ABCB1: variants seen among roughly 807,000 people sequenced by gnomAD.
ABCB1 encodes the protein ATP binding cassette subfamily B member 1.
ABCB1 carries 69 observed loss-of-function variants against 142.0 expected under a neutral mutation model. The ratio of observed to expected loss-of-function variants is 0.49; its 90% CI spans 0.40 to 0.59. ABCB1 has a LOEUF of 0.59. Ranked by LOEUF, ABCB1 falls within the 20% of genes least tolerant of loss-of-function variation. The pLI, the probability that ABCB1 is intolerant of heterozygous loss-of-function variation, is 0.00. For synonymous variants in ABCB1, 532 were observed against 539.2 expected, an observed-to-expected ratio of 0.99 and a Z score of 0.18; for missense variants, 1,326 against 1,554.7, an observed-to-expected ratio of 0.85 and a Z score of 2.47.
intron 1 of ABCB1, among the ~76,000 whole-genome samples, chr7:87,671,998 G>T (rs1051094084): frequency 2.0e-5 from 3 of 152,098 alleles, no homozygotes; most frequent in African/African-American, 4.8e-5. Context: ...CAGTTTGGCC[G>T]CATTTTGGTA....
rs757574551 is a variant in ABCB1, at chr7:87,550,725, A to T, written c.1113T>A (p.Asn371Lys). Reference protein sequence around the residue: ...AAYEIFKIIDNKPSIDSYSKS... With the variant: ...AAYEIFKIIDKKPSIDSYSKS... ...GGATAGATGGCCAACTCAGACTTAC[A>T]TTATCAATTATCTTGAAGATTTCAT... Residue 371 changes from asparagine to lysine, a missense_variant and splice_region_variant, in exon 10 of 28, where the codon AAT becomes AAA. Asn to Lys is a moderately conservative substitution (Grantham distance 94). Coordinates refer to ENST00000622132, the MANE Select transcript of ABCB1 (RefSeq NM_001348946.2). 1.2e-6 allele frequency: 2 copies of T among 1,607,300 alleles called. No individual in the cohort carries two copies. Among genetic ancestry groups the T allele is most frequent in the South Asian group, 2.2e-5 (2 of 90,948 alleles).
At chr7:87,561,039 A>G (rs912697641) in intron 8 of ABCB1, among the ~76,000 whole-genome samples, 2 of 152,234 alleles carry the variant, frequency 1.3e-5, no homozygotes, top group African/African-American at 2.4e-5. Context: ...AACTATTTTT[A>G]TGTTATTGCC....
chr7:87,510,437 G>C (rs937394843), intron 25 of ABCB1, among the ~76,000 whole-genome samples: 14 of 152,216 alleles, frequency 9.2e-5, no homozygotes, highest in African/African-American at 2.9e-4. Flanking sequence ...CAGAAGACTG[G>C]GGAGGGCACC....
chr7:87,645,146 G>A (rs1202026319), intron 1 of ABCB1, among the ~76,000 whole-genome samples: 1 of 149,274 alleles, frequency 6.7e-6, no homozygotes, highest in African/African-American at 2.5e-5. Context: ...GCAGTGGCAC[G>A]ATCTCGGATC....
chr7:87,545,954 G>A lies in ABCB1; in HGVS notation c.1796C>T (p.Ala599Val). 2 of 1,613,978 alleles carry A rather than the reference G, an allele frequency of 1.2e-6. No homozygotes were observed. The highest frequency in any genetic ancestry group is 2.2e-5 in the South Asian group (2 of 91,068). Residue 599 changes from alanine to valine, a missense_variant, in exon 15 of 28, where the codon GCT becomes GTT. Transcript: ENST00000622132. ...LSTVRNADVI[A>V]GFDDGVIVEK... ...CACAATGACTCCATCATCGAAACCAGCGATGACGTCAGCATTACGAACTGT... is the reference window on the plus strand; with the variant it reads ...CACAATGACTCCATCATCGAAACCAACGATGACGTCAGCATTACGAACTGT...
chr7:87,687,803 A>C (rs1827614813), intron 1 of ABCB1, among the ~76,000 whole-genome samples: 1 of 152,150 alleles, frequency 6.6e-6, no homozygotes, highest in African/African-American at 2.4e-5. Context: ...TTGAACCTCA[A>C]AGCTCTTCCT....
chr7:87,662,679 G>A (rs1824836720), intron 1 of ABCB1, among the ~76,000 whole-genome samples: 2 of 152,076 alleles, frequency 1.3e-5, no homozygotes, highest in Non-Finnish European at 2.9e-5. Context: ...TTTGAAGTCA[G>A]GGAATGTGAT....
chr7:87,662,938 T>G (rs894450875), intron 1 of ABCB1, among the ~76,000 whole-genome samples: 129 of 152,272 alleles, frequency 8.5e-4, no homozygotes, highest in African/African-American at 2.9e-3. Context: ...CAGTGTTTTA[T>G]AGTTTTCATT....
In ABCB1 at chr7:87,626,556, T is replaced by C. The variant is rs572280672; in HGVS notation, c.-330-25478A>G. Reference sequence around the variant, plus strand: ...GTGTCATATATGTGTCATATATATGTGTCATATATATGTGTCATATATATG... The same window carrying C: ...GTGTCATATATGTGTCATATATATGCGTCATATATATGTGTCATATATATG... On this transcript the variant is annotated intron_variant, in intron 1 of 28. Coordinates refer to the ABCB1 transcript ENST00000265724. 4.7e-4 allele frequency among the ~76,000 whole-genome samples: 8 copies of C among 17,052 alleles called. 1 individual carries two copies. The highest frequency in any genetic ancestry group is 6.0e-4 in the Non-Finnish European group (7 of 11,690). 11.2% of individuals were successfully genotyped at this position (17,052 alleles called of 152,430 possible).
intron 12 of ABCB1, 48 bp from the exon 13 acceptor site, chr7:87,550,102 G>C (rs1244047874): frequency 1.9e-6 from 3 of 1,613,858 alleles, no homozygotes; most frequent in Non-Finnish European, 2.5e-6. Context: ...AATTGAAAGG[G>C]CAACATCAGA....
intron 1 of ABCB1, among the ~76,000 whole-genome samples, chr7:87,640,782 T>A (rs753264290): frequency 5.3e-5 from 8 of 152,310 alleles, no homozygotes; most frequent in Non-Finnish European, 1.0e-4. Flanking sequence ...CCTTTTCTAG[T>A]TCATTAATTA....
Position 87,585,634 on chromosome 7 carries a change from G to A in ABCB1, c.164C>T (p.Thr55Ile), listed in dbSNP as rs1200080064. 1 of 1,613,814 alleles carries A rather than the reference G, an allele frequency of 6.2e-7. No homozygotes were observed. Among genetic ancestry groups the A allele is most frequent in the African/African-American group, 1.3e-5 (1 of 74,896 alleles). Residue 55 changes from threonine (T) to isoleucine (I), a missense_variant, in exon 4 of 28, where the codon ACT (threonine) becomes ATT (isoleucine). Physicochemically the swap from Thr to Ile is moderately conservative, Grantham distance 89 (BLOSUM62 -1). Transcript: ENST00000622132. ...AGCCCCATGGATGATGGCAGCCAAA[G>A]TTCCCACCACCATATACAACTTGTC... is the stretch of plus-strand genomic sequence containing the variant. Reference protein sequence around the residue: ...WLDKLYMVVGTLAAIIHGAGL... With the variant: ...WLDKLYMVVGILAAIIHGAGL...
intron 1 of ABCB1, among the ~76,000 whole-genome samples, chr7:87,668,239 A>G (rs944927271): frequency 6.6e-6 from 1 of 151,176 alleles, no homozygotes; most frequent in African/African-American, 2.4e-5. Context: ...CCAGGAATTT[A>G]CTCATCTCTT....
intron 1 of ABCB1, among the ~76,000 whole-genome samples, chr7:87,641,629 T>A (rs1486614732): frequency 6.6e-6 from 1 of 152,206 alleles, no homozygotes; most frequent in Non-Finnish European, 1.5e-5. Flanking sequence ...ATGAAAGAGC[T>A]CTTCTTCCCT....
chr7:87,584,267 G>A (rs892467325), intron 4 of ABCB1, among the ~76,000 whole-genome samples: 1 of 152,144 alleles, frequency 6.6e-6, no homozygotes, highest in Non-Finnish European at 1.5e-5. Context: ...GTATATACCC[G>A]AGATTGGTAT....
At chr7:87,578,692 C>CTTTT (rs35471539) in intron 4 of ABCB1, among the ~76,000 whole-genome samples, 5 of 102,638 alleles carry the variant, frequency 4.9e-5, no homozygotes, top group African/African-American at 7.4e-5. Flanking sequence ...AGACTACTTT[C>CTTTT]TTTTTTTTTT....
chr7:87,530,715 C>A (rs2117126281), intron 21 of ABCB1, among the ~76,000 whole-genome samples: 1 of 151,778 alleles, frequency 6.6e-6, no homozygotes, highest in South Asian at 2.1e-4. Context: ...CATATTTAAT[C>A]TCCCCCCTCA....
intron 15 of ABCB1, among the ~76,000 whole-genome samples, chr7:87,545,634 G>A (rs140353041): frequency 5.1e-4 from 78 of 151,972 alleles, no homozygotes; most frequent in Middle Eastern, 3.4e-3. Context: ...CTACTATAAC[G>A]GATAACTCAC....
upstream of ABCB1, among the ~76,000 whole-genome samples, chr7:87,605,350 T>A (rs1027341406): frequency 7.4e-4 from 113 of 152,164 alleles, no homozygotes; most frequent in African/African-American, 2.6e-3. Flanking sequence ...ACTAGGCTGA[T>A]CTTGAACTTC....
Sources: gnomAD v4.1 joint callset for allele counts (sites outside exome capture counted in the v4.1 genomes callset) on GRCh38, gnomAD v4.1.1 for gene constraint, MANE v1.5 for transcripts, NCBI Gene and HGNC (gene_info 2026-07-23, HGNC 2026-07-21) for gene names.